PTMA: variants seen among roughly 807,000 people sequenced by gnomAD.
PTMA encodes the protein gene sequence 28.
In PTMA, 4 loss-of-function variants were observed where a neutral mutation model predicts 16.9. The observed-to-expected ratio is 0.24, with a 90% CI of 0.12 to 0.54. The LOEUF (loss-of-function observed/expected upper bound fraction) is 0.54. Among genes scored for constraint, PTMA ranks in the 20% least tolerant of loss-of-function variants. PTMA has a pLI of 0.95. For synonymous variants in PTMA, 58 were observed against 47.9 expected, an observed-to-expected ratio of 1.21 and a Z score of -0.87; for missense variants, 120 against 137.7, an observed-to-expected ratio of 0.87 and a Z score of 0.64.
intron 3 of PTMA, 150 bp from the exon 4 acceptor site, chr2:231,712,293 G>A (rs1194756758): frequency 5.7e-6 from 5 of 878,904 alleles, no homozygotes; most frequent in Non-Finnish European, 5.4e-6. Context: ...AGTCCCACCT[G>A]TGTAGTGGGC....
chr2:231,711,453 C>A (rs1359739761), intron 2 of PTMA, 34 bp downstream of exon 2: 1 of 1,603,048 alleles, frequency 6.2e-7, no homozygotes, highest in South Asian at 1.1e-5. Context: ...GCCCTGGCAG[C>A]TACCGCCCCA....
chr2:231,709,431 C>T (rs944488103), intron 1 of PTMA, among the ~76,000 whole-genome samples: 4 of 152,174 alleles, frequency 2.6e-5, no homozygotes, highest in Admixed American at 6.5e-5. Context: ...CGCCCAGCTT[C>T]AGTCATGCAC....
At chr2:231,710,019 C>T (rs1041164178) in intron 1 of PTMA, 4 of 1,166,980 alleles carry the variant, frequency 3.4e-6, no homozygotes, top group African/African-American at 1.6e-5. Context: ...GAACACCGTC[C>T]CCAGTGCGGG....
In PTMA at chr2:231,708,716, G is replaced by T. The variant is rs748659140; in HGVS notation, c.10G>T (p.Ala4Ser). 1.9e-6 allele frequency: 3 copies of T among 1,603,446 alleles called. No individual in the cohort carries two copies. The highest frequency in any genetic ancestry group is 2.5e-6 in the Non-Finnish European group (3 of 1,179,632). ...ACCGGCGTGCCCCACCATGTCAGACGCAGCCGTAGACACCAGCTCCGAAAT... is the reference window on the plus strand; with the variant it reads ...ACCGGCGTGCCCCACCATGTCAGACTCAGCCGTAGACACCAGCTCCGAAAT... MSD[A>S]AVDTSSEITT... Residue 4 changes from alanine (A) to serine (S), a missense_variant, in exon 1 of 5, where the codon GCA (alanine) becomes TCA (serine). Ala to Ser is a moderately conservative substitution (Grantham distance 99). Transcript: ENST00000409115.
intron 1 of PTMA, among the ~76,000 whole-genome samples, chr2:231,709,544 C>T (rs1408990670): frequency 2.0e-5 from 3 of 152,178 alleles, no homozygotes; most frequent in Non-Finnish European, 4.4e-5. Context: ...CCCCCCGCGG[C>T]TGCCCGGGAG....
At chr2:231,712,602 CTG>C (rs1207683491) in intron 4 of PTMA, 86 bp downstream of exon 4, 56 of 1,455,898 alleles carry the variant, frequency 3.8e-5, no homozygotes, top group Non-Finnish European at 5.1e-5. Context: ...TGCGGAGGGA[CTG>C]TTTCTGACTT....
At chr2:231,711,062 G>C (rs1178448225) in intron 1 of PTMA, 4 of 322,530 alleles carry the variant, frequency 1.2e-5, no homozygotes, top group Non-Finnish European at 2.3e-5. Context: ...GGCGCCACAT[G>C]GCTCCTTTTT....
chr2:231,709,470 G>A (rs2048487797), intron 1 of PTMA, among the ~76,000 whole-genome samples: 1 of 152,182 alleles, frequency 6.6e-6, no homozygotes, highest in Non-Finnish European at 1.5e-5. Context: ...CTGAGGAGGC[G>A]AGAGCCCACG....
rs1428799472 is a variant in PTMA, at chr2:231,711,365, G to A, written c.63G>A (p.Lys21=). The stretch of plus-strand genomic sequence containing the variant: ...TTTTGAAGGACTTAAAGGAGAAGAA[G>A]GAAGTTGTGGAAGAGGCAGAAAATG... ...EITTKDLKEK[K]EVVEEAENGR... Residue 21 remains lysine, a synonymous_variant, in exon 2 of 5, where the codon AAG becomes AAA. Coordinates refer to ENST00000409115, the MANE Select transcript of PTMA (RefSeq NM_002823.5). 2.5e-6 allele frequency: 4 copies of A among 1,614,110 alleles called. No individual in the cohort carries two copies. The highest frequency in any genetic ancestry group is 2.5e-6 in the Non-Finnish European group (3 of 1,179,936).
At chr2:231,711,847 T>G in intron 2 of PTMA, 43 bp from the exon 3 acceptor site, 1 of 1,609,526 alleles carries the variant, frequency 6.2e-7, no homozygotes, top group Non-Finnish European at 8.5e-7. Flanking sequence ...CTGTCCAGCC[T>G]GGGGCCAGCT....
chr2:231,708,540 C>T lies in PTMA; in HGVS notation c.-167C>T. On this transcript the variant is annotated 5_prime_UTR_variant, in exon 1 of 5. Transcript: ENST00000409115. The stretch of plus-strand genomic sequence containing the variant: ...CCGCGTGAGTCCCCCACTGGCTGCT[C>T]TGAAAAGCCATCTTTGCATTGTTCC... The T allele has an allele frequency of 2.5e-6, 2 of 790,280 alleles. No individual in the cohort carries two copies. The highest frequency in any genetic ancestry group is 4.2e-6 in the Non-Finnish European group (2 of 475,618). The allele number at this position is 790,280 out of a possible 1,614,324, so 49.0% of individuals were successfully genotyped here. A position where few individuals can be genotyped will look rare whatever the true frequency, so the allele number is the denominator to read the frequency against.
At position 231,711,871 on chromosome 2, in the gene PTMA, C is replaced by T. The variant is rs771663481; in HGVS notation, c.118-19C>T. The T allele has an allele frequency of 2.4e-5, 38 of 1,611,976 alleles. No homozygotes were observed. The highest frequency in any genetic ancestry group is 8.4e-5 in the Admixed American group (5 of 59,828). ...CTGGGGCCAGCTGGTAATGACATGG[C>T]CTGTTTTCTGTCGAGGAGAATGAGG... On this transcript the variant is annotated intron_variant, in intron 2 of 4. Coordinates refer to ENST00000409115, the MANE Select transcript of PTMA (RefSeq NM_002823.5).
rs773718718 is a variant in PTMA at position 231,713,304 on chromosome 2, C to T, written c.*453C>T. ...CTTGTAAAAAAAGCAAAAATGACAA[C>T]AGAAAAACAATCTTATTCCGAGCAT... On this transcript the variant is annotated 3_prime_UTR_variant, in exon 5 of 5. Transcript: ENST00000409115. The T allele has an allele frequency of 2.0e-6, 1 of 500,764 alleles. No individual in the cohort carries two copies. Among genetic ancestry groups the T allele is most frequent in the South Asian group, 1.5e-5 (1 of 65,822 alleles). The allele number at this position is 500,764 out of a possible 1,614,324, so 31.0% of individuals were successfully genotyped here.
At chr2:231,712,727 G>A in intron 4 of PTMA, 77 bp from the exon 5 acceptor site, 3 of 1,515,108 alleles carry the variant, frequency 2.0e-6, no homozygotes, top group Non-Finnish European at 1.8e-6. Flanking sequence ...TTCTTGCTCT[G>A]CCAGCAGGAG....
chr2:231,710,585 G>A (rs1037213219), intron 1 of PTMA: 2 of 511,526 alleles, frequency 3.9e-6, no homozygotes, highest in Non-Finnish European at 7.4e-6. Context: ...CCGGACCTCT[G>A]TTGGTATTGG....
At chr2:231,709,171 C>A (rs1207733783) in intron 1 of PTMA, among the ~76,000 whole-genome samples, 1 of 152,110 alleles carries the variant, frequency 6.6e-6, no homozygotes, top group Admixed American at 6.6e-5. Flanking sequence ...GGGCGCGGGC[C>A]GGCCGCGGGA....
rs548373852 is a variant in PTMA, at chr2:231,710,471, C to T, written c.46-877C>T. On this transcript the variant is annotated intron_variant, in intron 1 of 4. Coordinates refer to ENST00000409115, the MANE Select transcript of PTMA (RefSeq NM_002823.5). ...GCCAGGGGGCGAGAGCGGGCGGAGC[C>T]GGGGTCCGCGGAGCGGAGCGGGGCG... 4,145 of 1,080,986 alleles carry T rather than the reference C, an allele frequency of 3.8e-3. 27 individuals carry two copies. Among genetic ancestry groups the T allele is most frequent in the Middle Eastern group, 0.015 (41 of 2,650 alleles). 67.0% of individuals were successfully genotyped at this position (1,080,986 alleles called of 1,614,324 possible). A position where few individuals can be genotyped will look rare whatever the true frequency, so the allele number is the denominator to read the frequency against.
At chr2:231,710,887 G>A (rs778618668) in intron 1 of PTMA, among the ~76,000 whole-genome samples, 129 of 152,358 alleles carry the variant, frequency 8.5e-4, no homozygotes, top group South Asian at 1.4e-3. Context: ...CGCCTGTGGG[G>A]CTCTCCCCGA....
chr2:231,708,537 G>C lies in PTMA; in HGVS notation c.-170G>C, dbSNP rs1052608319. ...GCGCCGCGTGAGTCCCCCACTGGCT[G>C]CTCTGAAAAGCCATCTTTGCATTGT... is the stretch of plus-strand genomic sequence containing the variant. On this transcript the variant is annotated 5_prime_UTR_variant, in exon 1 of 5. Transcript: ENST00000409115. The C allele has an allele frequency of 5.3e-6, 4 of 758,530 alleles. No homozygotes were observed. The highest frequency in any genetic ancestry group is 2.3e-5 in the Admixed American group (1 of 43,572). The allele number at this position is 758,530 out of a possible 1,614,324, so 47.0% of individuals were successfully genotyped here. A position where few individuals can be genotyped will look rare whatever the true frequency, so the allele number is the denominator to read the frequency against.
Sources: allele counts gnomAD v4.1 joint callset (sites outside exome capture counted in the v4.1 genomes callset), GRCh38; gene constraint gnomAD v4.1.1; transcripts MANE v1.5; gene names NCBI Gene and HGNC (gene_info 2026-07-23, HGNC 2026-07-21).